Variants in CTBP2 observed in about 807,000 individuals in gnomAD.
CTBP2 encodes the protein C-terminal-binding protein 2.
A neutral mutation model predicts 80.3 loss-of-function variants in CTBP2; 30 were observed. The observed-to-expected ratio is 0.37, with a 90% confidence interval of 0.28 to 0.51. CTBP2 has a LOEUF of 0.51. Among genes scored for constraint, CTBP2 ranks in the 20% least tolerant of loss-of-function variants. The probability of loss-of-function intolerance (pLI) is 0.93; values close to 1 mark genes in which losing one functional copy is unlikely to be tolerated. For missense variants in CTBP2, 1,212 were observed against 1,375.3 expected, an observed-to-expected ratio of 0.88 and a Z score of 1.88; for synonymous variants, 594 against 587.4, an observed-to-expected ratio of 1.01 and a Z score of -0.16.
At chr10:125,120,535 C>T (rs1411004537) in intron 1 of CTBP2, among the ~76,000 whole-genome samples, 1 of 151,184 alleles carries the variant, frequency 6.6e-6, no homozygotes, top group Non-Finnish European at 1.5e-5. Flanking sequence ...TATAGGCATG[C>T]ACCACCACGC....
At position 125,066,375 on chromosome 10, in the gene CTBP2, C is replaced by T. The variant is rs117008712; in HGVS notation, c.-101-27220G>A. On this transcript the variant is annotated intron_variant, in intron 2 of 10. Transcript: ENST00000337195. This position sits in a 1 kb window ranked among gnomAD's most constrained non-coding sequence, Gnocchi z 4.1. ...GGGAAAACATCAAGTCAGAACGTCC[C>T]GTGCCTTCTAAGCAGTCAGGTGCAT... 0.026 allele frequency among the ~76,000 whole-genome samples: 3,907 copies of T among 152,188 alleles called. 68 individuals are homozygous for T. Among genetic ancestry groups the T allele is most frequent in the Non-Finnish European group, 0.037 (2,526 of 68,000 alleles).
At chr10:125,004,177 C>T (rs1458925965) in intron 1 of CTBP2, among the ~76,000 whole-genome samples, 1 of 152,064 alleles carries the variant, frequency 6.6e-6, no homozygotes, top group Non-Finnish European at 1.5e-5. Context: ...AGGAAGGGCC[C>T]CAGTGGTCCT....
At chr10:125,102,221 G>A (rs1230002212) in intron 2 of CTBP2, among the ~76,000 whole-genome samples, 1 of 152,232 alleles carries the variant, frequency 6.6e-6, no homozygotes, top group Non-Finnish European at 1.5e-5. Flanking sequence ...ACAAGGTCAA[G>A]TTGTAAACAT....
At chr10:125,016,390 A>C (rs1357077589) in intron 1 of CTBP2, among the ~76,000 whole-genome samples, 1 of 152,206 alleles carries the variant, frequency 6.6e-6, no homozygotes, top group Non-Finnish European at 1.5e-5. Flanking sequence ...TGTCCCTTGG[A>C]ATCAGATGGA....
chr10:125,073,647 T>C (rs1845853148), intron 2 of CTBP2, among the ~76,000 whole-genome samples: 1 of 152,246 alleles, frequency 6.6e-6, no homozygotes, highest in African/African-American at 2.4e-5. Flanking sequence ...AGGTGGAAAG[T>C]CAACTGCCTT....
chr10:125,026,573 G>C lies in CTBP2; in HGVS notation c.1187C>G (p.Ser396Cys). 1 of 1,565,728 alleles carries C rather than the reference G, an allele frequency of 6.4e-7. No homozygotes were observed. The highest frequency in any genetic ancestry group is 1.2e-5 in the South Asian group (1 of 86,340). ...GCGAGCCGGGTCTCCAGCTCGGGGG[G>C]ATGCTGTCTGCAGAGGAGCCGCAGC... The change falls in exon 1 of 9, where the codon TCC (serine) becomes TGC (cysteine). Residue 396 changes from serine (S) to cysteine (C), a missense_variant. Coordinates refer to ENST00000309035, the MANE Select transcript of CTBP2 (RefSeq NM_022802.3).
intron 1 of CTBP2, among the ~76,000 whole-genome samples, chr10:125,153,571 C>G (rs1361596784): frequency 1.3e-5 from 2 of 152,168 alleles, no homozygotes; most frequent in African/African-American, 4.8e-5. Context: ...CCAAACTCTT[C>G]TCCTCTCATT....
chr10:125,055,586 T>G (rs1590374254), intron 2 of CTBP2, among the ~76,000 whole-genome samples: 1 of 151,810 alleles, frequency 6.6e-6, no homozygotes, highest in South Asian at 2.1e-4. Context: ...GCTTGTGGAG[T>G]CAGACTGAGC....
At position 124,993,792 on chromosome 10, in the gene CTBP2, G is replaced by A. The variant is rs563552287; in HGVS notation, c.2531+63C>T. ...GGGAAAAGGGCCTCGAGTTCAAAGTGTGGGGGTCAGGTGTGGAGCTGGGCC... is the reference window on the plus strand; with the variant it reads ...GGGAAAAGGGCCTCGAGTTCAAAGTATGGGGGTCAGGTGTGGAGCTGGGCC... On this transcript the variant is annotated intron_variant, in intron 6 of 8. Coordinates refer to ENST00000309035, the MANE Select transcript of CTBP2 (RefSeq NM_022802.3). 9.1e-5 allele frequency: 141 copies of A among 1,550,066 alleles called. 1 individual carries two copies. The African/African-American group carries it at 1.7e-3, about 19-fold the overall frequency.
chr10:124,998,323 G>A (rs1316402808), intron 3 of CTBP2, 153 bp from the exon 6 acceptor site: 8 of 785,988 alleles, frequency 1.0e-5, no homozygotes, highest in East Asian at 2.7e-5. Context: ...GCACGTGGGC[G>A]GTAGGCCCTC....
intron 1 of CTBP2, among the ~76,000 whole-genome samples, chr10:125,131,888 C>T (rs1217893676): frequency 6.6e-6 from 1 of 152,210 alleles, no homozygotes; most frequent in African/African-American, 2.4e-5. Context: ...CACCCACATT[C>T]CATGTGGGAA....
At chr10:125,059,829 G>A (rs577839545) in intron 2 of CTBP2, among the ~76,000 whole-genome samples, 1 of 152,170 alleles carries the variant, frequency 6.6e-6, no homozygotes, top group African/African-American at 2.4e-5. Context: ...GTCAGCGTTT[G>A]TCTGGATTCA....
intron 2 of CTBP2, among the ~76,000 whole-genome samples, chr10:125,093,115 T>C (rs1047625119): frequency 6.6e-6 from 1 of 152,254 alleles, no homozygotes; most frequent in African/African-American, 2.4e-5. Context: ...GTCCAAAGCC[T>C]GCTCAAGTAT....
At chr10:125,022,317 T>C (rs575837062) in intron 1 of CTBP2, among the ~76,000 whole-genome samples, 1 of 152,234 alleles carries the variant, frequency 6.6e-6, no homozygotes, top group African/African-American at 2.4e-5. Flanking sequence ...CACAGTTAAC[T>C]GTCCTTTTAT....
intron 2 of CTBP2, among the ~76,000 whole-genome samples, chr10:125,108,426 T>C (rs571274636): frequency 2.6e-5 from 4 of 152,322 alleles, no homozygotes; most frequent in African/African-American, 9.6e-5. Flanking sequence ...TCTACCTCCT[T>C]CTTCTGTGCC....
chr10:124,998,430 C>A, intron 3 of CTBP2: 1 of 512,588 alleles, frequency 2.0e-6, no homozygotes, highest in Non-Finnish European at 3.5e-6. Context: ...AACCCAACTC[C>A]TATGGCTGAT....
chr10:125,020,215 C>T (rs1956901337), intron 1 of CTBP2, among the ~76,000 whole-genome samples: 1 of 152,186 alleles, frequency 6.6e-6, no homozygotes, highest in Admixed American at 6.5e-5. Context: ...GAGCAACAAT[C>T]CCTGGAGGGG....
intron 2 of CTBP2, among the ~76,000 whole-genome samples, chr10:125,102,356 C>A (rs1850763508): frequency 6.6e-6 from 1 of 152,246 alleles, no homozygotes; most frequent in South Asian, 2.1e-4. Flanking sequence ...GCCGCTGGGG[C>A]TCCTGGAGGG....
chr10:125,019,044 G>A (rs945895577), intron 1 of CTBP2, among the ~76,000 whole-genome samples: 2 of 152,260 alleles, frequency 1.3e-5, no homozygotes, highest in African/African-American at 4.8e-5. Context: ...TTTGGCAAAA[G>A]TTGTTTTATT....
Sources: gnomAD v4.1 joint callset for allele counts (sites outside exome capture counted in the v4.1 genomes callset) on GRCh38, gnomAD v4.1.1 for gene constraint, Gnocchi (gnomAD v3.1) non-coding constraint, MANE v1.5 for transcripts, NCBI Gene and HGNC (gene_info 2026-07-23, HGNC 2026-07-21) for gene names.